The following TRIM66 variants were observed in gnomAD, a reference collection of about 807,000 sequenced individuals.
The protein encoded by TRIM66 is tripartite motif containing 66.
TRIM66 carries 99 observed loss-of-function variants against 148.2 expected under a neutral mutation model. The observed-to-expected ratio is 0.67, with a 90% CI of 0.57 to 0.79. The LOEUF is 0.79. Among genes scored for constraint, TRIM66 ranks in the 30% least tolerant of loss-of-function variants. TRIM66 has a pLI of 0.00. For synonymous variants in TRIM66, 616 were observed against 635.9 expected (o/e 0.97, Z 0.47); for missense variants, 1,666 against 1,697.9 (o/e 0.98, Z 0.33).
rs374602110 is a variant in TRIM66, at chr11:8,647,585, C to A, written c.842+385G>T. ...ATGTGACTTGTAGATTTACAGAGAACACACAGGGAAAGGGGTGATAAAGCA... is the reference window on the plus strand; with the variant it reads ...ATGTGACTTGTAGATTTACAGAGAAAACACAGGGAAAGGGGTGATAAAGCA... On this transcript the variant is annotated intron_variant, in intron 10 of 24. Transcript: ENST00000646038. Among the ~76,000 whole-genome samples, 7 of 152,338 alleles carry A rather than the reference C, an allele frequency of 4.6e-5. No homozygotes were observed. In the East Asian group the frequency reaches 1.3e-3, roughly 29 times the overall value.
Position 8,649,874 on chromosome 11 carries a change from C to A in TRIM66, c.458G>T (p.Cys153Phe). 6.4e-7 allele frequency: 1 copy of A among 1,551,430 alleles called. No individual in the cohort carries two copies. The highest frequency in any genetic ancestry group is 8.7e-7 in the Non-Finnish European group (1 of 1,146,780). Residue 153 changes from cysteine to phenylalanine, a missense_variant, in exon 8 of 25, where the codon TGC (cysteine) becomes TTC (phenylalanine). This residue lies in a region of TRIM66 where 1,431 missense variants were observed against 1,412.4 expected (regional missense o/e 1.01). Coordinates refer to ENST00000646038, the MANE Select transcript of TRIM66 (RefSeq NM_001388022.1). ...GATATGTGCTGCCCTCTTCTCCTTG[C>A]ACTCAGAGCAGTTCTGGAAGCAGAG... ...QPKMARNCSE[C>F]KEKRAAHILC...
upstream of TRIM66, chr11:8,682,694 C>G (rs1057036544): frequency 2.5e-6 from 3 of 1,211,052 alleles, no homozygotes; most frequent in Middle Eastern, 1.9e-4. Flanking sequence ...CCCGCGAGAC[C>G]AGGAGGCCCC....
In TRIM66 at chr11:8,621,100, C is replaced by T. The variant is rs1441397391; in HGVS notation, c.3477G>A (p.Leu1159=). Residue 1159 remains leucine, a synonymous_variant, in exon 20 of 25, where the codon CTG becomes CTA. Coordinates refer to ENST00000646038, the MANE Select transcript of TRIM66 (RefSeq NM_001388022.1). ...CAVCLNGGEL[L]CCDRCPKVFH... Reference sequence around the variant, plus strand: ...ACACTTTGGGGCAGCGGTCACAGCACAGTAACTCTCCGCCATTGAGGCAAA... The same window carrying T: ...ACACTTTGGGGCAGCGGTCACAGCATAGTAACTCTCCGCCATTGAGGCAAA... 6.4e-7 allele frequency: 1 copy of T among 1,551,754 alleles called. No homozygotes were observed. Among genetic ancestry groups the T allele is most frequent in the Admixed American group, 2.0e-5 (1 of 51,002 alleles).
At position 8,671,953 on chromosome 11, in the gene TRIM66, C is replaced by T. The variant is rs1006541082; in HGVS notation, c.173G>A (p.Ser58Asn). The change falls in exon 6 of 25, where the codon AGT becomes AAT. Residue 58 changes from serine (S) to asparagine (N), a missense_variant. Transcript: ENST00000646038. ...CATTACCATGGCCTCCATCTGTCCA[C>T]TCTTAGGGCAGTGTTTCTGGCCAGC... ...PLAGQKHCPK[S>N]GQMEAMVMTC... 6.5e-7 allele frequency: 1 copy of T among 1,536,172 alleles called. No homozygotes were observed. The highest frequency in any genetic ancestry group is 8.7e-7 in the Non-Finnish European group (1 of 1,146,914).
chr11:8,621,979 A>G (rs1243236716), intron 18 of TRIM66, among the ~76,000 whole-genome samples, 160 bp from the exon 19 acceptor site: 3 of 152,100 alleles, frequency 2.0e-5, no homozygotes, highest in Admixed American at 6.5e-5. Context: ...CTGTGATGGC[A>G]CTGCCAAAGG....
chr11:8,643,145 G>C lies in TRIM66; in HGVS notation c.1105-19C>G, dbSNP rs1310310356. 1 of 1,545,002 alleles carries C rather than the reference G, an allele frequency of 6.5e-7. No individual in the cohort carries two copies. On this transcript the variant is annotated intron_variant, in intron 12 of 24. Transcript: ENST00000646038. ...ACACAATCTGACAACAGCACCAAAGGTCATTTATTTGGGCATCTTGCACCT... is the reference window on the plus strand; with the variant it reads ...ACACAATCTGACAACAGCACCAAAGCTCATTTATTTGGGCATCTTGCACCT...
At chr11:8,638,232 TA>T (rs1349206222) in intron 15 of TRIM66, among the ~76,000 whole-genome samples, 1 of 152,228 alleles carries the variant, frequency 6.6e-6, no homozygotes, top group East Asian at 1.9e-4. Flanking sequence ...TCATTTTAAA[TA>T]AACCTCAGCT....
chr11:8,648,076 C>T lies in TRIM66; in HGVS notation c.736G>A (p.Val246Ile). The T allele has an allele frequency of 1.3e-6, 2 of 1,551,674 alleles. No homozygotes were observed. Among genetic ancestry groups the T allele is most frequent in the East Asian group, 2.4e-5 (1 of 40,920 alleles). ...CTCTGGTTTTGCAAAACTTCTTCAACATGTCTGCACCTAGGGGATGAGGCA... is the reference window on the plus strand; with the variant it reads ...CTCTGGTTTTGCAAAACTTCTTCAATATGTCTGCACCTAGGGGATGAGGCA... ...VEHKEHRCRH[V>I]EEVLQNQRML... Residue 246 changes from valine (V) to isoleucine (I), a missense_variant, in exon 10 of 25, where the codon GTT becomes ATT. Around this residue, in one of 3 missense-constraint regions of TRIM66, gnomAD observed 1,431 missense variants for 1,412.4 expected, o/e 1.01. Coordinates refer to ENST00000646038, the MANE Select transcript of TRIM66 (RefSeq NM_001388022.1).
chr11:8,666,442 C>T (rs981159280), intron 6 of TRIM66, among the ~76,000 whole-genome samples: 1 of 151,200 alleles, frequency 6.6e-6, no homozygotes, highest in South Asian at 2.1e-4. Context: ...AGCATGTTTC[C>T]ATCTAACAGG....
chr11:8,644,368 A>G (rs1436435212), intron 12 of TRIM66: 1 of 450,742 alleles, frequency 2.2e-6, no homozygotes, highest in East Asian at 7.1e-5. Context: ...GCACTCAATG[A>G]CCATTTAAAA....
intron 4 of TRIM66, among the ~76,000 whole-genome samples, chr11:8,672,909 G>C (rs978218711): frequency 1.3e-5 from 2 of 148,716 alleles, no homozygotes; most frequent in African/African-American, 5.0e-5. Context: ...GGGATTACAA[G>C]CATGAGCCAC....
intron 23 of TRIM66, 137 bp from the exon 24 acceptor site, chr11:8,619,105 G>A: frequency 1.2e-6 from 1 of 857,334 alleles, no homozygotes; most frequent in South Asian, 1.8e-5. Flanking sequence ...TTTCTCCTAG[G>A]ACTCAGGAAA....
In TRIM66 at chr11:8,648,637, G is replaced by C. The variant is rs1238532965; in HGVS notation, c.593-89C>G. The stretch of plus-strand genomic sequence containing the variant: ...TTTGCTGCACAGCTCTCAGCCTTCA[G>C]AGGACACTGCAGAAATACAGAGCTC... On this transcript the variant is annotated intron_variant, in intron 8 of 24. Transcript: ENST00000646038. 1.2e-5 allele frequency: 17 copies of C among 1,448,880 alleles called. No individual in the cohort carries two copies. The Admixed American group carries it at 2.9e-4, about 25-fold the overall frequency. The allele number at this position is 1,448,880 out of a possible 1,614,324, so 89.8% of individuals were successfully genotyped here.
chr11:8,631,065 T>G (rs138002387), intron 15 of TRIM66, among the ~76,000 whole-genome samples: 1 of 152,170 alleles, frequency 6.6e-6, no homozygotes, highest in Non-Finnish European at 1.5e-5. Flanking sequence ...AAAATTCAGA[T>G]AAAACATTGC....
chr11:8,642,685 T>C (rs1231094322), intron 13 of TRIM66, among the ~76,000 whole-genome samples: 2 of 151,594 alleles, frequency 1.3e-5, no homozygotes, highest in Non-Finnish European at 2.9e-5. Flanking sequence ...CCATACAGCA[T>C]TCCGGAGAGC....
chr11:8,646,935 G>T (rs1182116739), intron 10 of TRIM66, among the ~76,000 whole-genome samples: 1 of 34,292 alleles, frequency 2.9e-5, no homozygotes, highest in East Asian at 4.8e-4. Flanking sequence ...GAGGCAGAAT[G>T]CATACTGCCT....
At chr11:8,678,482 C>A (rs953018907) in intron 3 of TRIM66, among the ~76,000 whole-genome samples, 1 of 152,176 alleles carries the variant, frequency 6.6e-6, no homozygotes, top group African/African-American at 2.4e-5. Context: ...AGGTAATACT[C>A]AGAAAAGAAA....
chr11:8,682,978 C>G (rs1398974247), upstream of TRIM66: 2 of 1,031,892 alleles, frequency 1.9e-6, no homozygotes, highest in Non-Finnish European at 2.8e-6. Context: ...GGCGGGGCTC[C>G]CGGAGCCGTG....
intron 6 of TRIM66, among the ~76,000 whole-genome samples, chr11:8,661,886 G>A (rs1045648620): frequency 6.6e-6 from 1 of 152,076 alleles, no homozygotes; most frequent in African/African-American, 2.4e-5. Context: ...CCCTCCCTCA[G>A]CAAATCTGTT....
Sources: gnomAD v4.1 joint callset for allele counts (sites outside exome capture counted in the v4.1 genomes callset) on GRCh38, gnomAD v4.1.1 for gene constraint, gnomAD v4.1.1 regional missense constraint, MANE v1.5 for transcripts, NCBI Gene and HGNC (gene_info 2026-07-23, HGNC 2026-07-21) for gene names.